CCDC57: variants seen among roughly 807,000 people sequenced by gnomAD.
CCDC57 encodes coiled-coil domain-containing protein 57.
In CCDC57, 118 loss-of-function variants were observed where a neutral mutation model predicts 118.9. The ratio of observed to expected loss-of-function variants is 0.99; its 90% CI spans 0.86 to 1.16. The LOEUF (loss-of-function observed/expected upper bound fraction) is 1.16, where lower values mean the gene tolerates loss of function less well. Among genes scored for constraint, CCDC57 ranks in the 50% most tolerant of loss-of-function variants. The pLI is 0.00. For missense variants in CCDC57, 1,300 were observed against 1,320.7 expected, an observed-to-expected ratio of 0.98 and a Z score of 0.24; for synonymous variants, 527 against 532.9, an observed-to-expected ratio of 0.99 and a Z score of 0.15.
chr17:82,101,573 C>A, exon 20 of CCDC57: 1 of 962,996 alleles, frequency 1.0e-6, no homozygotes, highest in South Asian at 1.7e-5. Flanking sequence ...AGCTCCCTGC[C>A]TCCACCCTGC....
intron 16 of CCDC57, chr17:82,134,431 C>T (rs1010079634): frequency 2.7e-6 from 1 of 366,150 alleles, no homozygotes; most frequent in African/African-American, 2.1e-5. Context: ...GCTGTCCTCA[C>T]AGCGGGGGCA....
At chr17:82,102,690 C>T (rs981110484) in intron 19 of CCDC57, among the ~76,000 whole-genome samples, 1 of 152,052 alleles carries the variant, frequency 6.6e-6, no homozygotes, top group Non-Finnish European at 1.5e-5. Flanking sequence ...CAAGACTAGC[C>T]TGGCCAACAA....
At position 82,195,252 on chromosome 17, in the gene CCDC57, C is replaced by A. The variant is rs1482698015; in HGVS notation, c.618+11G>T. On this transcript the variant is annotated intron_variant, in intron 5 of 19. Transcript: ENST00000665763. ...GAAAAACCTTCACGACCCAAGGGTGCCCCCAGTTACCTTAAGCTCCCGGGA... is the reference window on the plus strand; with the variant it reads ...GAAAAACCTTCACGACCCAAGGGTGACCCCAGTTACCTTAAGCTCCCGGGA... 6.4e-7 allele frequency: 1 copy of A among 1,571,900 alleles called. No individual in the cohort carries two copies. The highest frequency in any genetic ancestry group is 8.6e-7 in the Non-Finnish European group (1 of 1,156,512).
chr17:82,157,859 C>T (rs1280104342), exon 15 of CCDC57: 1 of 1,590,182 alleles, frequency 6.3e-7, no homozygotes, highest in South Asian at 1.1e-5. Context: ...CCACCTGCTT[C>T]CGCAGCTCCA....
At chr17:82,104,015 C>G (rs1274458814) in intron 19 of CCDC57, among the ~76,000 whole-genome samples, 5 of 152,224 alleles carry the variant, frequency 3.3e-5, no homozygotes, top group African/African-American at 4.8e-5. Context: ...CGGACAGCCC[C>G]AGCCCAGCCA....
chr17:82,194,324 T>TTC, intron 5 of CCDC57, 185 bp from the exon 5 acceptor site: 2 of 528,692 alleles, frequency 3.8e-6, no homozygotes, highest in Non-Finnish European at 3.1e-6. Flanking sequence ...TTTTTTTTCT[T>TTC]TTTGGAGACA....
chr17:82,119,355 T>C (rs112933482), intron 19 of CCDC57, among the ~76,000 whole-genome samples: 171 of 151,898 alleles, frequency 1.1e-3, no homozygotes, highest in African/African-American at 3.9e-3. Flanking sequence ...GGGCCTCCCA[T>C]GCTCCCATCC....
chr17:82,143,538 C>T lies in CCDC57; in HGVS notation c.2455+8022G>A, dbSNP rs573775009. Among the ~76,000 whole-genome samples the T allele has an allele frequency of 2.3e-4, 35 of 152,058 alleles. No homozygotes were observed. The South Asian group carries it at 5.2e-3, about 23-fold the overall frequency. On this transcript the variant is annotated intron_variant, in intron 16 of 19. Transcript: ENST00000665763. The stretch of plus-strand genomic sequence containing the variant: ...ACCCCACACGCGCACACACCCCACA[C>T]GCACACACACGTGTCAGGGAGCACG...
chr17:82,111,013 A>G (rs887353121), intron 19 of CCDC57, among the ~76,000 whole-genome samples: 1 of 152,024 alleles, frequency 6.6e-6, no homozygotes, highest in Admixed American at 6.6e-5. Flanking sequence ...GCATATGTGC[A>G]GGAGTAGAAA....
chr17:82,125,943 G>C (rs2037367570), intron 19 of CCDC57, among the ~76,000 whole-genome samples: 1 of 152,156 alleles, frequency 6.6e-6, no homozygotes, highest in Non-Finnish European at 1.5e-5. Flanking sequence ...CGGGAAGTGT[G>C]AGCGATGGAA....
rs370782594 is a variant in CCDC57, at chr17:82,172,648, G to C, written c.1719C>G (p.Ala573=). 2 of 1,550,426 alleles carry C rather than the reference G, an allele frequency of 1.3e-6. No individual in the cohort carries two copies. The highest frequency in any genetic ancestry group is 1.7e-6 in the Non-Finnish European group (2 of 1,147,224). Residue 573 remains alanine, a synonymous_variant, in exon 12 of 20, where the codon GCC becomes GCG. Transcript: ENST00000665763. The surrounding 1 kb of genome is among the most constrained non-coding windows in gnomAD (Gnocchi z 5.2). ...CTCCCACTTACTCACCAGGAGTGGCGGCATCTCCCCCAGCCTCTGGGTCAG... is the reference window on the plus strand; with the variant it reads ...CTCCCACTTACTCACCAGGAGTGGCCGCATCTCCCCCAGCCTCTGGGTCAG...
intron 19 of CCDC57, chr17:82,113,505 A>G: frequency 2.8e-6 from 2 of 717,572 alleles, no homozygotes; most frequent in Non-Finnish European, 5.2e-6. Context: ...GGCTGCTGTG[A>G]TGGTGACCAG....
At chr17:82,157,443 G>C (rs2042808818) in intron 15 of CCDC57, 6 of 1,366,564 alleles carry the variant, frequency 4.4e-6, no homozygotes, top group Non-Finnish European at 5.7e-6. Flanking sequence ...GCCACCTTCA[G>C]TGTGTGCGTT....
At chr17:82,101,801 C>T (rs768125007) in exon 20 of CCDC57, 2 of 1,603,976 alleles carry the variant, frequency 1.2e-6, no homozygotes, top group Admixed American at 1.7e-5. Flanking sequence ...GTCTTCATCC[C>T]TGGGGTGGCA....
At chr17:82,203,584 G>C (rs1047893463) in intron 2 of CCDC57, among the ~76,000 whole-genome samples, 17 of 152,214 alleles carry the variant, frequency 1.1e-4, no homozygotes, top group East Asian at 5.8e-4. Flanking sequence ...AGGCTGAGGT[G>C]GGTGGGTCAT....
intron 13 of CCDC57, among the ~76,000 whole-genome samples, chr17:82,169,123 T>C (rs2044353116): frequency 6.6e-6 from 1 of 152,062 alleles, no homozygotes; most frequent in African/African-American, 2.4e-5. Context: ...CCTCCCTTAT[T>C]TTATTTTACT....
chr17:82,196,895 C>T (rs1462944006), intron 4 of CCDC57, among the ~76,000 whole-genome samples: 18 of 148,286 alleles, frequency 1.2e-4, no homozygotes, highest in Non-Finnish European at 2.5e-4. Context: ...CCTGCACCTG[C>T]AGAGACGCAG....
chr17:82,180,711 G>A (rs996856006), intron 9 of CCDC57, among the ~76,000 whole-genome samples: 1 of 152,290 alleles, frequency 6.6e-6, no homozygotes, highest in Admixed American at 6.5e-5. Flanking sequence ...TCCTGACCTC[G>A]TGATCCGCCC....
intron 15 of CCDC57, chr17:82,154,279 G>C (rs2042411353): frequency 6.6e-6 from 1 of 152,356 alleles, no homozygotes; most frequent in Admixed American, 6.5e-5. Context: ...GTGGGAACAC[G>C]TGCCTCCGCA....
Sources: allele counts gnomAD v4.1 joint callset (sites outside exome capture counted in the v4.1 genomes callset), GRCh38; gene constraint gnomAD v4.1.1; non-coding constraint Gnocchi (gnomAD v3.1); transcripts MANE v1.5; gene names NCBI Gene and HGNC (gene_info 2026-07-23, HGNC 2026-07-21).